The following RBFOX1 variants were observed in gnomAD, a reference collection of about 807,000 sequenced individuals.
The protein encoded by RBFOX1 is RNA binding protein fox-1 homolog 1.
Under a neutral mutation model 57.7 loss-of-function variants are expected in RBFOX1, and 8 were observed. That is an observed-to-expected ratio of 0.14 (90% CI 0.08 to 0.25). The LOEUF (loss-of-function observed/expected upper bound fraction) is 0.25, where lower values mean the gene tolerates loss of function less well. RBFOX1 is among the 10% of genes least tolerant of loss of function. RBFOX1 has a pLI of 1.00. For synonymous variants in RBFOX1, 326 were observed against 222.4 expected (o/e 1.47, Z -4.15); for missense variants, 611 against 548.5 (o/e 1.11, Z -1.14).
At chr16:7,517,799 G>A (rs2076691898) in intron 4 of RBFOX1, among the ~76,000 whole-genome samples, 1 of 149,442 alleles carries the variant, frequency 6.7e-6, no homozygotes, top group Non-Finnish European at 1.5e-5. Flanking sequence ...CTTCCAAAAT[G>A]GGAATGAAAT....
At chr16:6,095,243 T>C (rs1386483795) in intron 1 of RBFOX1, among the ~76,000 whole-genome samples, 1 of 152,228 alleles carries the variant, frequency 6.6e-6, no homozygotes, top group Non-Finnish European at 1.5e-5. Flanking sequence ...GTAAAACATT[T>C]AAAGTAACTT....
chr16:6,857,872 C>G (rs1211620719), intron 3 of RBFOX1, among the ~76,000 whole-genome samples: 2 of 152,174 alleles, frequency 1.3e-5, no homozygotes, highest in African/African-American at 4.8e-5. Flanking sequence ...CATTTAGCAA[C>G]CTGTCAAATC....
intron 4 of RBFOX1, among the ~76,000 whole-genome samples, chr16:7,226,893 C>T (rs574233227): frequency 1.3e-5 from 2 of 152,286 alleles, no homozygotes; most frequent in Non-Finnish European, 2.9e-5. Context: ...CTTGCAGATA[C>T]AGTGGGGGTA....
intron 4 of RBFOX1, among the ~76,000 whole-genome samples, chr16:7,108,067 C>A (rs1223317713): frequency 6.6e-6 from 1 of 152,122 alleles, no homozygotes; most frequent in Non-Finnish European, 1.5e-5. Flanking sequence ...AGCAAAGATG[C>A]TGCTTCATCG....
chr16:6,902,462 T>G (rs2068727043), intron 3 of RBFOX1, among the ~76,000 whole-genome samples: 1 of 152,150 alleles, frequency 6.6e-6, no homozygotes, highest in Admixed American at 6.5e-5. Flanking sequence ...AAAACCATGC[T>G]TGTAATCCTA....
intron 3 of RBFOX1, among the ~76,000 whole-genome samples, chr16:6,879,082 AAGCCAATG>A (rs1416965421): frequency 3.3e-5 from 5 of 152,204 alleles, no homozygotes; most frequent in African/African-American, 1.2e-4. Context: ...AGTTTTCAGA[AAGCCAATG>A]AGCTAATAGC....
intron 1 of RBFOX1, among the ~76,000 whole-genome samples, chr16:6,283,580 A>T (rs1042477770): frequency 6.6e-6 from 1 of 152,140 alleles, no homozygotes; most frequent in Non-Finnish European, 1.5e-5. Flanking sequence ...AATTCTCTCC[A>T]GAACTCAGGT....
chr16:5,412,849 C>G (rs1302192743), intron 1 of RBFOX1, among the ~76,000 whole-genome samples: 1 of 152,190 alleles, frequency 6.6e-6, no homozygotes, highest in East Asian at 1.9e-4. Flanking sequence ...GGGAAGGATC[C>G]AGGAGTCCTG....
At chr16:6,241,031 G>A (rs1259958897) in intron 1 of RBFOX1, among the ~76,000 whole-genome samples, 1 of 152,078 alleles carries the variant, frequency 6.6e-6, no homozygotes, top group Non-Finnish European at 1.5e-5. Context: ...TTCATAATAA[G>A]GTGTATTGAT....
chr16:6,540,101 G>T lies in RBFOX1; in HGVS notation c.-63-114502G>T, dbSNP rs543744983. On this transcript the variant is annotated intron_variant, in intron 2 of 15. Transcript: ENST00000550418. ...GAAATAGAGAAGCAGGCTGCCCTCTGTCAGTTGAAGAACCCATGTTTTTAG... is the reference window on the plus strand; with the variant it reads ...GAAATAGAGAAGCAGGCTGCCCTCTTTCAGTTGAAGAACCCATGTTTTTAG... Among the ~76,000 whole-genome samples the T allele has an allele frequency of 2.3e-3, 346 of 152,228 alleles. 1 individual carries two copies. The highest frequency in any genetic ancestry group is 8.0e-3 in the African/African-American group (332 of 41,554).
Position 6,743,151 on chromosome 16 carries a change from A to G in RBFOX1, c.-16+88501A>G, listed in dbSNP as rs561602781. Reference sequence around the variant, plus strand: ...TTTGCCTTTTATAGTGTTACTGTAAACCCTTAAGTTCCCACTAAAAAGATG... The same window carrying G: ...TTTGCCTTTTATAGTGTTACTGTAAGCCCTTAAGTTCCCACTAAAAAGATG... On this transcript the variant is annotated intron_variant, in intron 3 of 15. Transcript: ENST00000550418. Among the ~76,000 whole-genome samples, 315 of 152,278 alleles carry G rather than the reference A, an allele frequency of 2.1e-3. 2 individuals carry two copies. In the South Asian group the frequency reaches 0.022, roughly 11 times the overall value.
chr16:7,195,051 C>T (rs34286538), intron 4 of RBFOX1, among the ~76,000 whole-genome samples: 6 of 151,532 alleles, frequency 4.0e-5, no homozygotes, highest in African/African-American at 1.5e-4. Flanking sequence ...ATTCTAGCAA[C>T]AAAACTTTAA....
At chr16:6,999,182 T>G (rs2092543672) in intron 3 of RBFOX1, among the ~76,000 whole-genome samples, 1 of 101,148 alleles carries the variant, frequency 9.9e-6, no homozygotes, top group Non-Finnish European at 2.4e-5. Flanking sequence ...TTATTTTATT[T>G]TATTTTATTT....
chr16:5,525,004 A>G (rs2044183235), intron 2 of RBFOX1, among the ~76,000 whole-genome samples: 1 of 152,128 alleles, frequency 6.6e-6, no homozygotes, highest in Non-Finnish European at 1.5e-5. Flanking sequence ...TGTTTGTGTG[A>G]TTATTTGATT....
At chr16:6,474,489 G>T (rs1286827579) in intron 2 of RBFOX1, among the ~76,000 whole-genome samples, 1 of 152,146 alleles carries the variant, frequency 6.6e-6, no homozygotes, top group Non-Finnish European at 1.5e-5. Flanking sequence ...AGTTTAAAAG[G>T]CAATTAAGAC....
At chr16:7,038,144 G>A (rs941443053) in intron 3 of RBFOX1, among the ~76,000 whole-genome samples, 6 of 151,984 alleles carry the variant, frequency 3.9e-5, no homozygotes, top group Non-Finnish European at 7.4e-5. Context: ...GAAAATCTTC[G>A]CTGAGATGCT....
intron 1 of RBFOX1, among the ~76,000 whole-genome samples, chr16:5,335,424 G>T (rs1371409941): frequency 6.6e-6 from 1 of 152,150 alleles, no homozygotes; most frequent in Non-Finnish European, 1.5e-5. Flanking sequence ...CGTCATCAGC[G>T]GGACTGGGGG....
At chr16:6,831,834 A>T (rs1033584698) in intron 3 of RBFOX1, among the ~76,000 whole-genome samples, 3 of 152,280 alleles carry the variant, frequency 2.0e-5, no homozygotes, top group Middle Eastern at 6.8e-3. Flanking sequence ...TTTTATGATT[A>T]TCTCCAGCTG....
chr16:6,964,413 C>G (rs1286932865), intron 3 of RBFOX1, among the ~76,000 whole-genome samples: 1 of 152,132 alleles, frequency 6.6e-6, no homozygotes, highest in Non-Finnish European at 1.5e-5. Context: ...ACACAATATA[C>G]AACATCAACT....
Sources: allele counts gnomAD v4.1 joint callset (sites outside exome capture counted in the v4.1 genomes callset), GRCh38; gene constraint gnomAD v4.1.1; transcripts MANE v1.5; gene names NCBI Gene and HGNC (gene_info 2026-07-23, HGNC 2026-07-21).